The following PLCB1 variants were observed in gnomAD, a reference collection of about 807,000 sequenced individuals.
PLCB1 encodes phospholipase C beta 1, also known as 1-phosphatidylinositol 4,5-bisphosphate phosphodiesterase beta-1.
In PLCB1, 46 loss-of-function variants were observed where a neutral mutation model predicts 161.8. That is an observed-to-expected ratio of 0.28 (90% CI 0.22 to 0.36). PLCB1 has a LOEUF of 0.36. Among genes scored for constraint, PLCB1 ranks in the 10% least tolerant of loss-of-function variants. The pLI is 1.00. For synonymous variants in PLCB1, 517 were observed against 503.7 expected (o/e 1.03, Z -0.35); for missense variants, 1,016 against 1,472.5 (o/e 0.69, Z 5.07).
intron 3 of PLCB1, among the ~76,000 whole-genome samples, chr20:8,476,587 G>A (rs1982292022): frequency 6.6e-6 from 1 of 152,150 alleles, no homozygotes; most frequent in African/African-American, 2.4e-5. Flanking sequence ...ACATGCAAGA[G>A]AATTTCTTCA....
chr20:8,561,634 CA>C (rs1986143863), intron 3 of PLCB1, among the ~76,000 whole-genome samples: 1 of 151,980 alleles, frequency 6.6e-6, no homozygotes, highest in Admixed American at 6.6e-5. Flanking sequence ...TTTCCCTCCC[CA>C]CATTAACTTT....
At chr20:8,390,392 C>G (rs1987552952) in intron 3 of PLCB1, among the ~76,000 whole-genome samples, 1 of 152,142 alleles carries the variant, frequency 6.6e-6, no homozygotes, top group African/African-American at 2.4e-5. Context: ...TTAATTACCT[C>G]TTTAAAGCAC....
At chr20:8,211,424 A>G (rs1978816932) in intron 2 of PLCB1, among the ~76,000 whole-genome samples, 3 of 152,112 alleles carry the variant, frequency 2.0e-5, no homozygotes, top group Admixed American at 2.0e-4. Flanking sequence ...CTCTATTTGC[A>G]TAACACCATT....
intron 2 of PLCB1, among the ~76,000 whole-genome samples, chr20:8,262,216 G>C (rs1220062962): frequency 6.6e-6 from 1 of 151,730 alleles, no homozygotes; most frequent in South Asian, 2.1e-4. Context: ...CAAATATCTG[G>C]GACAACAGGC....
intron 2 of PLCB1, among the ~76,000 whole-genome samples, chr20:8,232,756 G>T (rs554110110): frequency 2.6e-5 from 4 of 152,188 alleles, no homozygotes; most frequent in African/African-American, 9.6e-5. Context: ...CCTAATATTG[G>T]CATTCTCTTG....
At chr20:8,512,391 G>A (rs1386905333) in intron 3 of PLCB1, among the ~76,000 whole-genome samples, 1 of 152,034 alleles carries the variant, frequency 6.6e-6, no homozygotes, top group Non-Finnish European at 1.5e-5. Flanking sequence ...TTACAAAATA[G>A]CCTAATTCTC....
intron 3 of PLCB1, among the ~76,000 whole-genome samples, chr20:8,413,590 C>G (rs987902964): frequency 2.0e-5 from 3 of 152,166 alleles, no homozygotes; most frequent in African/African-American, 7.2e-5. Context: ...TCACTACTTG[C>G]TACTTTTCAG....
intron 3 of PLCB1, among the ~76,000 whole-genome samples, chr20:8,622,125 G>A (rs924908077): frequency 2.0e-5 from 3 of 151,908 alleles, no homozygotes; most frequent in South Asian, 2.1e-4. Flanking sequence ...TTGGTGGCGC[G>A]TGCCTGTAGT....
chr20:8,484,574 C>G (rs557061383), intron 3 of PLCB1, among the ~76,000 whole-genome samples: 2 of 151,974 alleles, frequency 1.3e-5, no homozygotes, highest in East Asian at 3.9e-4. Context: ...GTTGGTCAGG[C>G]TGTTCTCGAA....
At chr20:8,225,257 G>GT (rs1437972451) in intron 2 of PLCB1, among the ~76,000 whole-genome samples, 4 of 151,970 alleles carry the variant, frequency 2.6e-5, no homozygotes, top group Non-Finnish European at 4.4e-5. Context: ...TGTCATAAGG[G>GT]TTTTTTTGTT....
intron 3 of PLCB1, among the ~76,000 whole-genome samples, chr20:8,403,649 A>C (rs1326997696): frequency 6.6e-6 from 1 of 151,376 alleles, no homozygotes; most frequent in Non-Finnish European, 1.5e-5. Flanking sequence ...AGTCCCAGCT[A>C]CTTGGAAGCC....
At chr20:8,777,718 C>CA (rs36103446) in intron 27 of PLCB1, among the ~76,000 whole-genome samples, 3,458 of 135,872 alleles carry the variant, frequency 0.025, 120 homozygotes, top group African/African-American at 0.08. Context: ...GACTCCATCT[C>CA]AAAAAAAAAA....
At chr20:8,312,640 G>GA (rs1387784539) in intron 2 of PLCB1, among the ~76,000 whole-genome samples, 2 of 152,034 alleles carry the variant, frequency 1.3e-5, no homozygotes, top group East Asian at 1.9e-4. Context: ...TAATGAAGGG[G>GA]AAAAAACAAG....
At chr20:8,430,657 A>G (rs1214601741) in intron 3 of PLCB1, among the ~76,000 whole-genome samples, 4 of 152,234 alleles carry the variant, frequency 2.6e-5, no homozygotes, top group African/African-American at 9.6e-5. Context: ...TTGATTCTTC[A>G]TCAAAAGAAA....
At chr20:8,218,399 T>C (rs1186301519) in intron 2 of PLCB1, among the ~76,000 whole-genome samples, 4 of 152,054 alleles carry the variant, frequency 2.6e-5, no homozygotes, top group African/African-American at 9.7e-5. Context: ...TTTCCCCAAC[T>C]AGTAAGAAGC....
intron 2 of PLCB1, among the ~76,000 whole-genome samples, chr20:8,248,202 G>A (rs73897391): frequency 0.028 from 4,280 of 151,916 alleles, 200 homozygotes; most frequent in African/African-American, 0.097. Flanking sequence ...AACATAAATA[G>A]CACCTCAGAG....
intron 31 of PLCB1, among the ~76,000 whole-genome samples, chr20:8,862,482 A>C (rs1266879679): frequency 1.3e-5 from 2 of 152,180 alleles, no homozygotes; most frequent in African/African-American, 2.4e-5. Flanking sequence ...GATCACATAT[A>C]ATGTAACAGG....
chr20:8,697,732 G>A lies in PLCB1; in HGVS notation c.1116G>A (p.Glu372=), dbSNP rs1301125420. 6.2e-7 allele frequency: 1 copy of A among 1,614,168 alleles called. No individual in the cohort carries two copies. Among genetic ancestry groups the A allele is most frequent in the East Asian group, 2.2e-5 (1 of 44,878 alleles). Residue 372 remains glutamate (E), a synonymous_variant, in exon 11 of 32, where the codon GAG becomes GAA. Transcript: ENST00000338037. ...GCTGGAAGGGACGGACTGCAGAAGA[G>A]GAACCTGTCATCACCCATGGCTTCA... is the stretch of plus-strand genomic sequence containing the variant. ...LDCWKGRTAE[E]EPVITHGFTM...
intron 10 of PLCB1, among the ~76,000 whole-genome samples, chr20:8,696,830 T>C (rs1049348116): frequency 1.3e-5 from 2 of 152,014 alleles, no homozygotes; most frequent in African/African-American, 4.8e-5. Flanking sequence ...GCCTCCCGGG[T>C]TCACACCATT....
Sources: allele counts gnomAD v4.1 joint callset (sites outside exome capture counted in the v4.1 genomes callset), GRCh38; gene constraint gnomAD v4.1.1; transcripts MANE v1.5; gene names NCBI Gene and HGNC (gene_info 2026-07-23, HGNC 2026-07-21).